Variants in ACOT7 observed in about 807,000 individuals in gnomAD.
ACOT7 encodes the protein acyl-CoA thioesterase 7, also known as cytosolic acyl coenzyme A thioester hydrolase.
Under a neutral mutation model 40.2 loss-of-function variants are expected in ACOT7, and 12 were observed. That is an observed-to-expected ratio of 0.30 (90% CI 0.19 to 0.48). The LOEUF (loss-of-function observed/expected upper bound fraction) is 0.48. ACOT7 is among the 20% of genes least tolerant of loss of function. ACOT7 has a pLI of 0.99. For missense variants in ACOT7, 395 were observed against 530.8 expected (o/e 0.74, Z 2.51); for synonymous variants, 228 against 219.5 (o/e 1.04, Z -0.34).
chr1:6,360,121 C>A (rs940568893), intron 1 of ACOT7, among the ~76,000 whole-genome samples: 1 of 152,190 alleles, frequency 6.6e-6, no homozygotes, highest in Non-Finnish European at 1.5e-5. Flanking sequence ...CACCTATGTG[C>A]AAAAAGAAAG....
chr1:6,376,171 C>T (rs1023504791), intron 1 of ACOT7, among the ~76,000 whole-genome samples: 2 of 152,112 alleles, frequency 1.3e-5, no homozygotes, highest in Non-Finnish European at 2.9e-5. Flanking sequence ...AGGAGAATCA[C>T]TTGAACCTGG....
intron 1 of ACOT7, among the ~76,000 whole-genome samples, chr1:6,362,374 T>C (rs1359638365): frequency 1.3e-5 from 2 of 149,518 alleles, no homozygotes; most frequent in Non-Finnish European, 3.0e-5. Context: ...GAGGTTGCAG[T>C]GGGCCAAGAT....
chr1:6,312,654 G>C (rs1044674270), intron 6 of ACOT7, among the ~76,000 whole-genome samples: 1 of 152,122 alleles, frequency 6.6e-6, no homozygotes, highest in Non-Finnish European at 1.5e-5. Context: ...TTTTAGTAGA[G>C]ACAGGGTTTT....
Position 6,282,902 on chromosome 1 carries a change from C to G in ACOT7, c.830-1616G>C, listed in dbSNP as rs929806528. Reference sequence around the variant, plus strand: ...CCAGCTAAGGAGCTAGAAGTTTCAACAGGTCAGACCTGAGGGTCTCCCAGC... The same window carrying G: ...CCAGCTAAGGAGCTAGAAGTTTCAAGAGGTCAGACCTGAGGGTCTCCCAGC... On this transcript the variant is annotated intron_variant, in intron 7 of 8. Transcript: ENST00000361521. This position sits in a 1 kb window ranked among gnomAD's most constrained non-coding sequence, Gnocchi z 4.5. 3 of 692,878 alleles carry G rather than the reference C, an allele frequency of 4.3e-6. No individual in the cohort carries two copies. Among genetic ancestry groups the G allele is most frequent in the African/African-American group, 3.7e-5 (2 of 53,974 alleles). The allele number at this position is 692,878 out of a possible 1,614,324, so 42.9% of individuals were successfully genotyped here.
chr1:6,366,700 G>A (rs1221165733), intron 1 of ACOT7, among the ~76,000 whole-genome samples: 1 of 150,886 alleles, frequency 6.6e-6, no homozygotes, highest in African/African-American at 2.4e-5. Flanking sequence ...CTGTCAGCCA[G>A]GCTGGAGTAC....
At chr1:6,386,790 T>C (rs1642447746) in intron 1 of ACOT7, among the ~76,000 whole-genome samples, 1 of 152,038 alleles carries the variant, frequency 6.6e-6, no homozygotes, top group African/African-American at 2.4e-5. Context: ...GCCCAGAAGG[T>C]TGGGGCTGCA....
In ACOT7 at chr1:6,318,459, A is replaced by G. The variant is rs762954347; in HGVS notation, c.712+33T>C. 4.4e-6 allele frequency: 7 copies of G among 1,603,052 alleles called. No individual in the cohort carries two copies. In the African/African-American group the frequency reaches 6.7e-5, roughly 15 times the overall value. The stretch of plus-strand genomic sequence containing the variant: ...GAGAAGCAACAATGAGCCAAGGGAC[A>G]GGAATGGAGTGGCCAGGGCGCTTCC... On this transcript the variant is annotated intron_variant, in intron 6 of 8. Coordinates refer to ENST00000361521, the MANE Select transcript of ACOT7 (RefSeq NM_007274.4).
At chr1:6,382,901 A>C (rs1642365721) in intron 1 of ACOT7, among the ~76,000 whole-genome samples, 1 of 151,108 alleles carries the variant, frequency 6.6e-6, no homozygotes. Context: ...GTTTTTGGAC[A>C]GAGTTTCGCT....
At chr1:6,307,844 C>T (rs930940951) in intron 6 of ACOT7, among the ~76,000 whole-genome samples, 9 of 149,452 alleles carry the variant, frequency 6.0e-5, no homozygotes, top group African/African-American at 2.2e-4. Context: ...GGAACTACAA[C>T]TGGGCAGAGG....
At position 6,306,884 on chromosome 1, in the gene ACOT7, T is replaced by C. The variant is rs776563921; in HGVS notation, c.712+11608A>G. 2.3e-6 allele frequency: 3 copies of C among 1,289,148 alleles called. No individual in the cohort carries two copies. The South Asian group carries it at 3.7e-5, about 16-fold the overall frequency. 79.9% of individuals were successfully genotyped at this position (1,289,148 alleles called of 1,614,324 possible). On this transcript the variant is annotated intron_variant, in intron 6 of 8. Coordinates refer to ENST00000361521, the MANE Select transcript of ACOT7 (RefSeq NM_007274.4). The surrounding 1 kb of genome is among the most constrained non-coding windows in gnomAD (Gnocchi z 4.3). ...TTTTTCAGTGAAAGTCAACTCCTCCTGCAGGTGCAAAAGATTGTTTTTTCA... is the reference window on the plus strand; with the variant it reads ...TTTTTCAGTGAAAGTCAACTCCTCCCGCAGGTGCAAAAGATTGTTTTTTCA...
intron 1 of ACOT7, among the ~76,000 whole-genome samples, chr1:6,380,896 T>C (rs1217836384): frequency 1.3e-5 from 2 of 151,752 alleles, no homozygotes; most frequent in African/African-American, 4.8e-5. Context: ...CATAAGAACT[T>C]TAAAATGTGT....
intron 1 of ACOT7, among the ~76,000 whole-genome samples, chr1:6,370,380 G>A (rs1406620453): frequency 1.3e-5 from 2 of 151,892 alleles, no homozygotes; most frequent in Non-Finnish European, 2.9e-5. Flanking sequence ...CAGCAGGCAC[G>A]AAAACAAAAT....
chr1:6,271,237 G>C (rs1302992116), intron 8 of ACOT7, among the ~76,000 whole-genome samples: 1 of 152,206 alleles, frequency 6.6e-6, no homozygotes, highest in Non-Finnish European at 1.5e-5. Flanking sequence ...TATGGAGGAC[G>C]AGTGACTAAG....
At chr1:6,389,337 T>C (rs1642495369) in intron 1 of ACOT7, among the ~76,000 whole-genome samples, 3 of 152,296 alleles carry the variant, frequency 2.0e-5, no homozygotes, top group African/African-American at 4.8e-5. Flanking sequence ...TGCCAAGTTA[T>C]CTGCCTGCTG....
intron 6 of ACOT7, among the ~76,000 whole-genome samples, chr1:6,315,310 C>T (rs181788594): frequency 2.0e-5 from 3 of 152,350 alleles, no homozygotes. Context: ...TAGTGAATTA[C>T]AGTTTAGTGA....
chr1:6,269,212 G>A (rs796616848), intron 8 of ACOT7, among the ~76,000 whole-genome samples: 3 of 152,330 alleles, frequency 2.0e-5, no homozygotes, highest in South Asian at 4.1e-4. Flanking sequence ...CTGGGCATGG[G>A]GGCTGCCCTC....
rs1639965838 is a variant in ACOT7, at chr1:6,301,168, G to A, written c.713-6188C>T. Among the ~76,000 whole-genome samples the A allele has an allele frequency of 6.6e-6, 1 of 152,220 alleles. No individual in the cohort carries two copies. Among genetic ancestry groups the A allele is most frequent in the African/African-American group, 2.4e-5 (1 of 41,458 alleles). On this transcript the variant is annotated intron_variant, in intron 6 of 8. Coordinates refer to ENST00000361521, the MANE Select transcript of ACOT7 (RefSeq NM_007274.4). This position sits in a 1 kb window ranked among gnomAD's most constrained non-coding sequence, Gnocchi z 4.1. The stretch of plus-strand genomic sequence containing the variant: ...TGGTTTAGCTGTGGGGGAAGGAGGA[G>A]GGAAAGGAAGGGTTCGTGTTGGATT...
intron 8 of ACOT7, among the ~76,000 whole-genome samples, chr1:6,267,342 G>A (rs570920612): frequency 2.6e-5 from 4 of 152,318 alleles, no homozygotes; most frequent in South Asian, 2.1e-4. Flanking sequence ...ATGGCTCTGC[G>A]GAGCCAACGC....
At chr1:6,339,736 GC>G in intron 2 of ACOT7, 147 bp from the exon 3 acceptor site, 6 of 858,090 alleles carry the variant, frequency 7.0e-6, no homozygotes, top group Non-Finnish European at 8.3e-6. Flanking sequence ...TATTGGCACC[GC>G]GGTTTTTTTT....
Sources: gnomAD v4.1 joint callset for allele counts (sites outside exome capture counted in the v4.1 genomes callset) on GRCh38, gnomAD v4.1.1 for gene constraint, Gnocchi (gnomAD v3.1) non-coding constraint, MANE v1.5 for transcripts, NCBI Gene and HGNC (gene_info 2026-07-23, HGNC 2026-07-21) for gene names.